CAMK1D: variants seen among roughly 807,000 people sequenced by gnomAD.
The protein encoded by CAMK1D is calcium/calmodulin-dependent protein kinase type 1D.
CAMK1D carries 9 observed loss-of-function variants against 47.7 expected under a neutral mutation model. The observed-to-expected ratio is 0.19, with a 90% CI of 0.11 to 0.33. The LOEUF is 0.33. Ranked by LOEUF, CAMK1D falls within the 10% of genes least tolerant of loss-of-function variation. The pLI is 1.00. For missense variants in CAMK1D, 291 were observed against 488.7 expected, an observed-to-expected ratio of 0.60 and a Z score of 3.81; for synonymous variants, 184 against 184.9, an observed-to-expected ratio of 0.99 and a Z score of 0.04.
intron 1 of CAMK1D, among the ~76,000 whole-genome samples, chr10:12,418,521 T>C (rs1173546568): frequency 1.3e-5 from 2 of 152,174 alleles, no homozygotes; most frequent in Non-Finnish European, 2.9e-5. Flanking sequence ...GGTGGGAGGA[T>C]TGCTTGAACC....
At chr10:12,397,716 G>A (rs1220682365) in intron 1 of CAMK1D, among the ~76,000 whole-genome samples, 1 of 152,206 alleles carries the variant, frequency 6.6e-6, no homozygotes, top group Non-Finnish European at 1.5e-5. Context: ...TGAAGAGGGT[G>A]AGTGTTGCTT....
intron 1 of CAMK1D, among the ~76,000 whole-genome samples, chr10:12,510,502 C>G (rs906151203): frequency 6.6e-6 from 1 of 152,204 alleles, no homozygotes; most frequent in African/African-American, 2.4e-5. Flanking sequence ...TAATCATTTC[C>G]TTTTACCTAC....
At chr10:12,667,602 TA>T (rs1161944754) in intron 3 of CAMK1D, among the ~76,000 whole-genome samples, 1 of 152,236 alleles carries the variant, frequency 6.6e-6, no homozygotes, top group Non-Finnish European at 1.5e-5. Flanking sequence ...CTTTAACCAT[TA>T]CCTGAATAAA....
chr10:12,393,866 G>A (rs932810066), intron 1 of CAMK1D, among the ~76,000 whole-genome samples: 2 of 152,180 alleles, frequency 1.3e-5, no homozygotes, highest in South Asian at 2.1e-4. Flanking sequence ...CACCTCACAC[G>A]TGTGTGGGTT....
chr10:12,652,588 G>A (rs975652283), intron 2 of CAMK1D, among the ~76,000 whole-genome samples: 2 of 147,114 alleles, frequency 1.4e-5, no homozygotes, highest in East Asian at 2.0e-4. Context: ...ACTCCATCTC[G>A]AAAAAAAAAA....
intron 5 of CAMK1D, among the ~76,000 whole-genome samples, chr10:12,784,808 T>C (rs1837652972): frequency 6.6e-6 from 1 of 152,166 alleles, no homozygotes; most frequent in African/African-American, 2.4e-5. Context: ...TTGGAAGACA[T>C]TTTTCCACAG....
chr10:12,773,226 C>G (rs1485095065), intron 5 of CAMK1D, among the ~76,000 whole-genome samples: 1 of 152,216 alleles, frequency 6.6e-6, no homozygotes, highest in African/African-American at 2.4e-5. Flanking sequence ...TTTTCTTTCT[C>G]TCTTCCCCTT....
chr10:12,486,483 C>T (rs892298529), intron 1 of CAMK1D, among the ~76,000 whole-genome samples: 5 of 151,838 alleles, frequency 3.3e-5, no homozygotes, highest in African/African-American at 1.2e-4. Flanking sequence ...CTTATAATTG[C>T]TTATGATAAA....
chr10:12,518,909 CA>C (rs1267735059), intron 1 of CAMK1D, among the ~76,000 whole-genome samples: 1 of 130,296 alleles, frequency 7.7e-6, no homozygotes, highest in Non-Finnish European at 1.7e-5. Context: ...ACCCGGCAAC[CA>C]TCCGATTTCT....
intron 1 of CAMK1D, among the ~76,000 whole-genome samples, chr10:12,481,349 CCAT>C (rs1834059267): frequency 3.3e-5 from 5 of 152,112 alleles, no homozygotes; most frequent in Admixed American, 3.3e-4. Flanking sequence ...TACACCAGGA[CCAT>C]TTTCCAAACC....
chr10:12,713,396 T>G (rs568058874), intron 3 of CAMK1D, among the ~76,000 whole-genome samples: 1 of 152,296 alleles, frequency 6.6e-6, no homozygotes, highest in South Asian at 2.1e-4. Flanking sequence ...GTTGGTGAAG[T>G]GCAGCATTGG....
In CAMK1D at chr10:12,777,029, A is replaced by G. The variant is rs75457558; in HGVS notation, c.565+7230A>G. 3.9e-5 allele frequency among the ~76,000 whole-genome samples: 6 copies of G among 152,192 alleles called. No individual in the cohort carries two copies. In the South Asian group the frequency reaches 6.2e-4, roughly 16 times the overall value. The stretch of plus-strand genomic sequence containing the variant: ...GCAAATAACTTTTAGCCAGTAGGCA[A>G]ATTTGCAGATAGAGAATCCTTGAGT... On this transcript the variant is annotated intron_variant, in intron 5 of 10. Coordinates refer to ENST00000619168, the MANE Select transcript of CAMK1D (RefSeq NM_153498.4).
intron 2 of CAMK1D, among the ~76,000 whole-genome samples, chr10:12,622,391 T>A (rs1199687754): frequency 5.3e-5 from 8 of 152,100 alleles, no homozygotes; most frequent in African/African-American, 1.7e-4. Flanking sequence ...GATTGTTACC[T>A]TTTCCAGCTC....
At chr10:12,624,140 A>G (rs1839132010) in intron 2 of CAMK1D, among the ~76,000 whole-genome samples, 2 of 152,020 alleles carry the variant, frequency 1.3e-5, no homozygotes, top group South Asian at 2.1e-4. Context: ...CCATAATCCA[A>G]TGTCTTAGAA....
intron 1 of CAMK1D, among the ~76,000 whole-genome samples, chr10:12,528,087 A>G (rs948308893): frequency 6.6e-6 from 1 of 152,248 alleles, no homozygotes; most frequent in South Asian, 2.1e-4. Flanking sequence ...TCATTGCAAT[A>G]ACCCTATTAG....
chr10:12,374,985 G>C (rs937360093), intron 1 of CAMK1D, among the ~76,000 whole-genome samples: 1 of 151,872 alleles, frequency 6.6e-6, no homozygotes, highest in Non-Finnish European at 1.5e-5. Flanking sequence ...GTGGAGATGG[G>C]GGTCTCACTA....
At chr10:12,720,627 G>A (rs1834332901) in intron 3 of CAMK1D, among the ~76,000 whole-genome samples, 1 of 152,202 alleles carries the variant, frequency 6.6e-6, no homozygotes, top group Admixed American at 6.5e-5. Context: ...CCAGTGGCTG[G>A]CACAGTGCCC....
At chr10:12,709,419 A>G (rs544498666) in intron 3 of CAMK1D, among the ~76,000 whole-genome samples, 1 of 152,266 alleles carries the variant, frequency 6.6e-6, no homozygotes, top group Admixed American at 6.5e-5. Context: ...CGCAAATGGA[A>G]AGGACTTTGC....
intron 1 of CAMK1D, among the ~76,000 whole-genome samples, chr10:12,388,922 G>A (rs1229614837): frequency 2.0e-5 from 3 of 152,202 alleles, no homozygotes; most frequent in East Asian, 3.8e-4. Context: ...AACACTTGAT[G>A]AGCCTGCGGT....
Sources: allele counts gnomAD v4.1 joint callset (sites outside exome capture counted in the v4.1 genomes callset), GRCh38; gene constraint gnomAD v4.1.1; transcripts MANE v1.5; gene names NCBI Gene and HGNC (gene_info 2026-07-23, HGNC 2026-07-21).